Variants in PCDH9 observed in about 807,000 individuals in gnomAD.
PCDH9 encodes the protein protocadherin-9.
PCDH9 carries 24 observed loss-of-function variants against 70.6 expected under a neutral mutation model. That is an observed-to-expected ratio of 0.34 (90% CI 0.25 to 0.48). The LOEUF is 0.48. PCDH9 is among the 20% of genes least tolerant of loss of function. PCDH9 has a pLI of 0.99. For missense variants in PCDH9, 1,281 were observed against 1,503.6 expected, an observed-to-expected ratio of 0.85 and a Z score of 2.45; for synonymous variants, 562 against 558.5, an observed-to-expected ratio of 1.01 and a Z score of -0.09.
intron 3 of PCDH9, among the ~76,000 whole-genome samples, chr13:66,635,578 C>A (rs1285270761): frequency 7.2e-5 from 11 of 151,948 alleles, no homozygotes; most frequent in Non-Finnish European, 1.5e-4. Context: ...TTTTTTCTTG[C>A]AGCTTAGAAG....
At chr13:66,607,175 A>G (rs918865308) in intron 4 of PCDH9, among the ~76,000 whole-genome samples, 1 of 152,144 alleles carries the variant, frequency 6.6e-6, no homozygotes, top group African/African-American at 2.4e-5. Context: ...TAAGTTGTTT[A>G]AAACTTAAAT....
At chr13:66,413,194 C>T (rs1957400269) in intron 4 of PCDH9, among the ~76,000 whole-genome samples, 1 of 152,116 alleles carries the variant, frequency 6.6e-6, no homozygotes, top group African/African-American at 2.4e-5. Context: ...TATTTATAAA[C>T]TACAGGATAC....
intron 4 of PCDH9, among the ~76,000 whole-genome samples, chr13:66,622,457 T>C (rs2077436558): frequency 5.3e-5 from 8 of 152,078 alleles, no homozygotes; most frequent in Admixed American, 5.2e-4. Context: ...AGCTCAGGGA[T>C]TGTAAATACA....
At chr13:67,030,263 T>C (rs1302724044) in intron 2 of PCDH9, among the ~76,000 whole-genome samples, 3 of 152,164 alleles carry the variant, frequency 2.0e-5, no homozygotes, top group Non-Finnish European at 2.9e-5. Context: ...ATAATTGTTC[T>C]AGCAATTCAG....
chr13:67,071,125 C>T (rs1023609392), intron 2 of PCDH9, among the ~76,000 whole-genome samples: 1 of 152,246 alleles, frequency 6.6e-6, no homozygotes, highest in South Asian at 2.1e-4. Context: ...ACTCCCTCAA[C>T]CCCCAGTCGT....
At chr13:66,889,007 G>C (rs777456681) in intron 3 of PCDH9, among the ~76,000 whole-genome samples, 4 of 152,298 alleles carry the variant, frequency 2.6e-5, no homozygotes, top group Non-Finnish European at 5.9e-5. Flanking sequence ...CAACTTTCAG[G>C]AAGATAGATC....
chr13:66,565,678 C>A (rs896720081), intron 4 of PCDH9, among the ~76,000 whole-genome samples: 4 of 152,150 alleles, frequency 2.6e-5, no homozygotes, highest in African/African-American at 9.7e-5. Context: ...ATGTCATTTT[C>A]TGAAAGAACA....
At chr13:66,809,369 C>G (rs751838152) in intron 3 of PCDH9, among the ~76,000 whole-genome samples, 3 of 152,090 alleles carry the variant, frequency 2.0e-5, no homozygotes, top group Non-Finnish European at 2.9e-5. Flanking sequence ...TATGACAAAA[C>G]AGGCAAAATG....
At chr13:67,078,397 T>C (rs970769295) in intron 2 of PCDH9, among the ~76,000 whole-genome samples, 1 of 152,180 alleles carries the variant, frequency 6.6e-6, no homozygotes, top group East Asian at 1.9e-4. Flanking sequence ...CCTTCAGCTC[T>C]TTCCCCTTTA....
intron 3 of PCDH9, among the ~76,000 whole-genome samples, chr13:66,746,167 C>A (rs557056727): frequency 6.6e-6 from 1 of 152,260 alleles, no homozygotes; most frequent in Admixed American, 6.5e-5. Flanking sequence ...AGATTGCAAA[C>A]AATGTAATGA....
At chr13:66,542,774 C>T (rs965386838) in intron 4 of PCDH9, among the ~76,000 whole-genome samples, 1 of 144,838 alleles carries the variant, frequency 6.9e-6, no homozygotes, top group Non-Finnish European at 1.5e-5. Context: ...TATATTTAAA[C>T]ATATATATAT....
At chr13:66,688,151 C>T (rs2078432332) in intron 3 of PCDH9, among the ~76,000 whole-genome samples, 1 of 152,080 alleles carries the variant, frequency 6.6e-6, no homozygotes, top group African/African-American at 2.4e-5. Flanking sequence ...CACTTTCATT[C>T]TGTCTTCTTT....
intron 2 of PCDH9, among the ~76,000 whole-genome samples, chr13:67,135,374 C>T (rs1374348652): frequency 1.3e-5 from 2 of 152,100 alleles, no homozygotes; most frequent in Non-Finnish European, 2.9e-5. Flanking sequence ...GAATTCTAAA[C>T]TCTAGCTATG....
chr13:67,052,564 A>T (rs529156439), intron 2 of PCDH9, among the ~76,000 whole-genome samples: 48 of 152,200 alleles, frequency 3.2e-4, no homozygotes, highest in African/African-American at 9.6e-4. Context: ...CTGAAAAAAA[A>T]AATCACAACT....
At chr13:66,342,373 A>G (rs1031011451) in intron 4 of PCDH9, among the ~76,000 whole-genome samples, 1 of 152,236 alleles carries the variant, frequency 6.6e-6, no homozygotes, top group African/African-American at 2.4e-5. Context: ...TTTTACAACT[A>G]TAAAGATGGG....
chr13:66,830,468 G>C (rs912084588), intron 3 of PCDH9, among the ~76,000 whole-genome samples: 14 of 152,156 alleles, frequency 9.2e-5, no homozygotes, highest in Middle Eastern at 3.4e-3. Context: ...AAATATAATG[G>C]AAACTAAAGA....
chr13:67,138,899 GA>G (rs2087302421), intron 2 of PCDH9, among the ~76,000 whole-genome samples: 1 of 152,074 alleles, frequency 6.6e-6, no homozygotes, highest in Admixed American at 6.6e-5. Context: ...ATTATCCGAG[GA>G]AACAAAGTGG....
At chr13:67,104,407 C>T (rs1269649717) in intron 2 of PCDH9, among the ~76,000 whole-genome samples, 1 of 152,182 alleles carries the variant, frequency 6.6e-6, no homozygotes, top group African/African-American at 2.4e-5. Context: ...TCCCCGCCCA[C>T]CCAAGCCTTT....
chr13:66,718,926 G>A (rs1275689939), intron 3 of PCDH9, among the ~76,000 whole-genome samples: 2 of 152,214 alleles, frequency 1.3e-5, no homozygotes, highest in African/African-American at 4.8e-5. Flanking sequence ...ATTGTTCCAA[G>A]TGCCAGCCTA....
Sources: allele counts gnomAD v4.1 joint callset (sites outside exome capture counted in the v4.1 genomes callset), GRCh38; gene constraint gnomAD v4.1.1; transcripts MANE v1.5; gene names NCBI Gene and HGNC (gene_info 2026-07-23, HGNC 2026-07-21).